The following KCNH5 variants were observed in gnomAD, a reference collection of about 807,000 sequenced individuals.
The protein encoded by KCNH5 is potassium voltage-gated channel subfamily H member 5.
A neutral mutation model predicts 96.1 loss-of-function variants in KCNH5; 46 were observed. The ratio of observed to expected loss-of-function variants is 0.48; its 90% CI spans 0.38 to 0.61. The LOEUF is 0.61. KCNH5 is among the 20% of genes least tolerant of loss of function. The pLI is 0.00. For synonymous variants in KCNH5, 439 were observed against 449.8 expected (o/e 0.98, Z 0.30); for missense variants, 907 against 1,225.8 (o/e 0.74, Z 3.88).
intron 7 of KCNH5, among the ~76,000 whole-genome samples, chr14:62,942,116 T>C (rs1229289399): frequency 6.6e-6 from 1 of 152,222 alleles, no homozygotes; most frequent in Non-Finnish European, 1.5e-5. Flanking sequence ...GTATGCACTA[T>C]ATGTAAAAAG....
At chr14:62,987,259 T>A in intron 4 of KCNH5, 72 bp from the exon 5 acceptor site, 1 of 1,054,698 alleles carries the variant, frequency 9.5e-7, no homozygotes, top group South Asian at 1.3e-5. Flanking sequence ...TTGCTAGCAT[T>A]AAAAAGATCT....
chr14:62,810,741 G>GA (rs1290042560), intron 8 of KCNH5, among the ~76,000 whole-genome samples: 3 of 152,166 alleles, frequency 2.0e-5, no homozygotes, highest in Middle Eastern at 3.4e-3. Context: ...ATATCATCAA[G>GA]AAATAACCAT....
intron 10 of KCNH5, among the ~76,000 whole-genome samples, chr14:62,777,617 CAG>C (rs1886124012): frequency 6.6e-6 from 1 of 152,108 alleles, no homozygotes. Flanking sequence ...GCATCAAGAG[CAG>C]AGAGGCTAGA....
chr14:62,746,035 C>A (rs1015015330), intron 10 of KCNH5, among the ~76,000 whole-genome samples: 1 of 152,026 alleles, frequency 6.6e-6, no homozygotes, highest in African/African-American at 2.4e-5. Flanking sequence ...GGGGAAGTGG[C>A]GACAGAGGCA....
chr14:62,963,267 T>C (rs1196867898), intron 6 of KCNH5, among the ~76,000 whole-genome samples: 1 of 152,136 alleles, frequency 6.6e-6, no homozygotes, highest in East Asian at 1.9e-4. Flanking sequence ...TACGTCTGTA[T>C]AGGAGAAAGC....
At chr14:62,743,501 T>C (rs1267305449) in intron 10 of KCNH5, among the ~76,000 whole-genome samples, 3 of 152,200 alleles carry the variant, frequency 2.0e-5, no homozygotes, top group Non-Finnish European at 4.4e-5. Context: ...TTTTTACCTA[T>C]TAAAATTTAA....
chr14:62,874,006 T>C (rs1396438032), intron 7 of KCNH5, among the ~76,000 whole-genome samples: 26 of 152,200 alleles, frequency 1.7e-4, no homozygotes. Flanking sequence ...CTGAAACTCC[T>C]GAGGCTAATG....
At chr14:62,830,162 C>A (rs1887312625) in intron 8 of KCNH5, among the ~76,000 whole-genome samples, 1 of 152,158 alleles carries the variant, frequency 6.6e-6, no homozygotes, top group Admixed American at 6.6e-5. Context: ...ACCACCTCAG[C>A]CTGGATTTCA....
chr14:62,730,762 T>C (rs777779145), intron 10 of KCNH5, among the ~76,000 whole-genome samples: 2 of 152,284 alleles, frequency 1.3e-5, no homozygotes, highest in Non-Finnish European at 2.9e-5. Flanking sequence ...TCTATCTTAC[T>C]GGTGGGCAAA....
At chr14:62,928,752 G>A (rs1889523359) in intron 7 of KCNH5, among the ~76,000 whole-genome samples, 1 of 151,934 alleles carries the variant, frequency 6.6e-6, no homozygotes, top group Admixed American at 6.6e-5. Flanking sequence ...TTCCTCAGCT[G>A]ACCTACAGCA....
At chr14:63,003,698 C>T (rs1214335417) in intron 3 of KCNH5, among the ~76,000 whole-genome samples, 1 of 144,868 alleles carries the variant, frequency 6.9e-6, no homozygotes, top group Admixed American at 7.2e-5. Flanking sequence ...CGGCTCACTG[C>T]GAGCTCCACC....
chr14:62,932,553 G>A (rs1889601171), intron 7 of KCNH5, among the ~76,000 whole-genome samples: 1 of 147,992 alleles, frequency 6.8e-6, no homozygotes, highest in East Asian at 2.0e-4. Context: ...AAGGGAAAAA[G>A]ATAAAACCAG....
intron 7 of KCNH5, among the ~76,000 whole-genome samples, chr14:62,891,353 G>C (rs140752671): frequency 0.026 from 3,886 of 152,222 alleles, 68 homozygotes; most frequent in Middle Eastern, 0.044. Context: ...GGAGCTAAAT[G>C]ATGACAACTT....
intron 9 of KCNH5, among the ~76,000 whole-genome samples, chr14:62,791,327 A>T (rs1477947412): frequency 6.6e-6 from 1 of 151,704 alleles, no homozygotes; most frequent in Non-Finnish European, 1.5e-5. Flanking sequence ...CCATAGCTAC[A>T]GTAAGTAACT....
intron 8 of KCNH5, among the ~76,000 whole-genome samples, chr14:62,825,705 G>T (rs1393053372): frequency 1.3e-5 from 2 of 151,958 alleles, no homozygotes; most frequent in Non-Finnish European, 2.9e-5. Context: ...AGATGGAAAG[G>T]TTTCTCTTTC....
At chr14:63,042,312 C>T (rs953173863) in intron 1 of KCNH5, among the ~76,000 whole-genome samples, 22 of 152,098 alleles carry the variant, frequency 1.4e-4, no homozygotes, top group African/African-American at 5.1e-4. Flanking sequence ...TAGGATATTC[C>T]TCTTTTCAGT....
At chr14:63,000,463 T>C (rs1020599412) in intron 4 of KCNH5, among the ~76,000 whole-genome samples, 2 of 152,212 alleles carry the variant, frequency 1.3e-5, no homozygotes, top group African/African-American at 4.8e-5. Flanking sequence ...GTGGTTTCTA[T>C]AGCAGTCTCT....
At chr14:62,806,441 G>A (rs1171118699) in intron 8 of KCNH5, among the ~76,000 whole-genome samples, 1 of 152,070 alleles carries the variant, frequency 6.6e-6, no homozygotes, top group Non-Finnish European at 1.5e-5. Flanking sequence ...CCACAGAAGA[G>A]ACTATAGTGC....
chr14:63,003,584 A>G (rs1257463030), intron 3 of KCNH5, among the ~76,000 whole-genome samples: 3 of 114,320 alleles, frequency 2.6e-5, no homozygotes, highest in African/African-American at 1.0e-4. Flanking sequence ...TATATACATA[A>G]TATATATATT....
Sources: gnomAD v4.1 joint callset for allele counts (sites outside exome capture counted in the v4.1 genomes callset) on GRCh38, gnomAD v4.1.1 for gene constraint, MANE v1.5 for transcripts, NCBI Gene and HGNC (gene_info 2026-07-23, HGNC 2026-07-21) for gene names.